FUT9: variants seen among roughly 807,000 people sequenced by gnomAD.
FUT9 encodes fucosyltransferase 9.
FUT9 carries 15 observed loss-of-function variants against 29.7 expected under a neutral mutation model. That is an observed-to-expected ratio of 0.51 (90% CI 0.34 to 0.78). The LOEUF (loss-of-function observed/expected upper bound fraction) is 0.78. Ranked by LOEUF, FUT9 falls within the 30% of genes least tolerant of loss-of-function variation. The pLI is 0.01. For missense variants in FUT9, 319 were observed against 425.4 expected (o/e 0.75, Z 2.20); for synonymous variants, 169 against 153.7 (o/e 1.10, Z -0.74).
At chr6:96,181,809 T>C (rs566720766) in intron 2 of FUT9, among the ~76,000 whole-genome samples, 7 of 152,064 alleles carry the variant, frequency 4.6e-5, no homozygotes, top group Non-Finnish European at 1.0e-4. Flanking sequence ...AACCCACAGT[T>C]TCTTTATCCA....
At chr6:96,170,293 C>A (rs888762760) in intron 2 of FUT9, among the ~76,000 whole-genome samples, 1 of 151,972 alleles carries the variant, frequency 6.6e-6, no homozygotes, top group Non-Finnish European at 1.5e-5. Flanking sequence ...ATATTGTGAT[C>A]CTTAGAGTTA....
intron 1 of FUT9, among the ~76,000 whole-genome samples, chr6:96,059,185 A>G (rs1252509015): frequency 6.6e-6 from 1 of 152,222 alleles, no homozygotes; most frequent in Non-Finnish European, 1.5e-5. Flanking sequence ...CCAAGAGTGT[A>G]TATCACACTA....
At chr6:96,124,511 T>A (rs1372746096) in intron 2 of FUT9, among the ~76,000 whole-genome samples, 1 of 152,096 alleles carries the variant, frequency 6.6e-6, no homozygotes, top group African/African-American at 2.4e-5. Flanking sequence ...ATTTTTATTT[T>A]TGTTTTTTTG....
Position 96,104,700 on chromosome 6 carries a change from T to G in FUT9, c.-97-9339T>G, listed in dbSNP as rs1771646306. 3.9e-5 allele frequency among the ~76,000 whole-genome samples: 6 copies of G among 151,972 alleles called. No individual in the cohort carries two copies. In the South Asian group the frequency reaches 1.2e-3, roughly 31 times the overall value. On this transcript the variant is annotated intron_variant, in intron 1 of 2. Coordinates refer to ENST00000302103, the MANE Select transcript of FUT9 (RefSeq NM_006581.4). ...CGCCTGCCATCACGCCCGGCACATT[T>G]TTTGTGTTTTCAGTAGAGACGGAGT...
intron 1 of FUT9, among the ~76,000 whole-genome samples, chr6:96,102,785 C>A (rs904661006): frequency 6.6e-6 from 1 of 152,032 alleles, no homozygotes; most frequent in African/African-American, 2.4e-5. Context: ...GTAGAAATTG[C>A]GTGTTTTACC....
At chr6:96,150,663 A>G (rs1772659311) in intron 2 of FUT9, among the ~76,000 whole-genome samples, 1 of 152,194 alleles carries the variant, frequency 6.6e-6, no homozygotes, top group South Asian at 2.1e-4. Flanking sequence ...GAAAAGGCAC[A>G]GTTGCAGTAG....
At chr6:96,103,030 G>GAAATA (rs1771614685) in intron 1 of FUT9, among the ~76,000 whole-genome samples, 1 of 152,054 alleles carries the variant, frequency 6.6e-6, no homozygotes, top group Admixed American at 6.6e-5. Context: ...CTTGGTCTTG[G>GAAATA]GCTATGGGAA....
intron 2 of FUT9, among the ~76,000 whole-genome samples, chr6:96,157,675 AT>A (rs1361393555): frequency 6.6e-6 from 1 of 152,212 alleles, no homozygotes; most frequent in Non-Finnish European, 1.5e-5. Flanking sequence ...AATTCAGTTA[AT>A]GATTTCAAAA....
rs180929747 is a variant in FUT9 at position 96,145,402 on chromosome 6, T to C, written c.-9+31275T>C. 8.9e-4 allele frequency among the ~76,000 whole-genome samples: 136 copies of C among 152,274 alleles called. 1 individual carries two copies. The highest frequency in any genetic ancestry group is 3.2e-3 in the African/African-American group (132 of 41,570). ...CATTAAACAGACATTACTGAGCAGC[T>C]ACTATGTAGCAGCCAGTGTTTCAGG... On this transcript the variant is annotated intron_variant, in intron 2 of 2. Coordinates refer to ENST00000302103, the MANE Select transcript of FUT9 (RefSeq NM_006581.4).
intron 1 of FUT9, among the ~76,000 whole-genome samples, chr6:96,019,890 TCTC>T (rs1221780136): frequency 2.6e-5 from 4 of 152,102 alleles, no homozygotes; most frequent in Admixed American, 6.6e-5. Context: ...CAAATCCTGT[TCTC>T]CTGATTCCAT....
chr6:96,026,270 T>C (rs917387814), intron 1 of FUT9, among the ~76,000 whole-genome samples: 1 of 151,756 alleles, frequency 6.6e-6, no homozygotes, highest in Non-Finnish European at 1.5e-5. Context: ...ATCCTTGCTA[T>C]TTCCTACTGA....
chr6:96,053,687 C>A (rs1770713339), intron 1 of FUT9, among the ~76,000 whole-genome samples: 1 of 152,038 alleles, frequency 6.6e-6, no homozygotes, highest in African/African-American at 2.4e-5. Flanking sequence ...CCAGCCTGGG[C>A]AACAGAGCGA....
intron 1 of FUT9, among the ~76,000 whole-genome samples, chr6:96,026,778 G>C (rs1043563091): frequency 1.1e-4 from 16 of 151,654 alleles, no homozygotes; most frequent in African/African-American, 3.9e-4. Flanking sequence ...TAACACAATG[G>C]CAGGTTTATT....
At chr6:96,057,043 A>G (rs1007436713) in intron 1 of FUT9, among the ~76,000 whole-genome samples, 1 of 152,220 alleles carries the variant, frequency 6.6e-6, no homozygotes, top group Non-Finnish European at 1.5e-5. Flanking sequence ...ACTCTAGGCT[A>G]ATAAAAGTGT....
intron 2 of FUT9, among the ~76,000 whole-genome samples, chr6:96,128,490 G>T (rs926028376): frequency 6.6e-6 from 1 of 152,142 alleles, no homozygotes. Flanking sequence ...TCGTTATTAA[G>T]TGTTGTGGAA....
At chr6:96,102,856 C>T (rs4404780) in intron 1 of FUT9, among the ~76,000 whole-genome samples, 19,852 of 152,100 alleles carry the variant, frequency 0.13, 1,505 homozygotes, top group Non-Finnish European at 0.16. Context: ...ATAGTTTAAA[C>T]TTAGTTTCCT....
intron 1 of FUT9, among the ~76,000 whole-genome samples, chr6:96,092,287 C>T (rs1771424211): frequency 6.6e-6 from 1 of 151,870 alleles, no homozygotes; most frequent in African/African-American, 2.4e-5. Flanking sequence ...CTGAGTGCAC[C>T]AGTCAATTGG....
chr6:96,109,606 C>T (rs552081225), intron 1 of FUT9, among the ~76,000 whole-genome samples: 2 of 152,200 alleles, frequency 1.3e-5, no homozygotes, highest in East Asian at 3.9e-4. Flanking sequence ...ATACTTTATT[C>T]AAATATATCA....
chr6:96,080,264 G>A (rs772693507), intron 1 of FUT9, among the ~76,000 whole-genome samples: 4 of 151,724 alleles, frequency 2.6e-5, no homozygotes, highest in Non-Finnish European at 5.9e-5. Flanking sequence ...TTTTTCAATG[G>A]TTATTTGTAA....
Sources: allele counts gnomAD v4.1 joint callset (sites outside exome capture counted in the v4.1 genomes callset), GRCh38; gene constraint gnomAD v4.1.1; transcripts MANE v1.5; gene names NCBI Gene and HGNC (gene_info 2026-07-23, HGNC 2026-07-21).